PALS2: variants seen among roughly 807,000 people sequenced by gnomAD.
PALS2 encodes the protein protein PALS2.
PALS2 carries 27 observed loss-of-function variants against 61.6 expected under a neutral mutation model. The ratio of observed to expected loss-of-function variants is 0.44; its 90% CI spans 0.32 to 0.60. The LOEUF is 0.60. PALS2 is among the 20% of genes least tolerant of loss of function. PALS2 has a pLI of 0.05. For synonymous variants in PALS2, 236 were observed against 218.6 expected (o/e 1.08, Z -0.70); for missense variants, 554 against 639.4 (o/e 0.87, Z 1.44).
chr7:24,639,412 ACAC>A (rs1434020155), intron 2 of PALS2, among the ~76,000 whole-genome samples: 1 of 150,910 alleles, frequency 6.6e-6, no homozygotes, highest in African/African-American at 2.4e-5. Flanking sequence ...GAATACACAC[ACAC>A]ACACACACAC....
At chr7:24,671,237 A>G (rs1024515066) in intron 9 of PALS2, among the ~76,000 whole-genome samples, 9 of 152,170 alleles carry the variant, frequency 5.9e-5, no homozygotes, top group African/African-American at 2.2e-4. Flanking sequence ...GTAAAGTTGT[A>G]TCTCATTTTG....
chr7:24,684,100 G>A (rs1788074049), intron 11 of PALS2, among the ~76,000 whole-genome samples: 1 of 151,964 alleles, frequency 6.6e-6, no homozygotes, highest in South Asian at 2.1e-4. Flanking sequence ...AGTAGATACA[G>A]TCAGATCACT....
intron 1 of PALS2, among the ~76,000 whole-genome samples, chr7:24,594,010 C>CT (rs1783402322): frequency 1.3e-5 from 2 of 152,098 alleles, no homozygotes; most frequent in Admixed American, 6.6e-5. Context: ...CACTGAAAAT[C>CT]TATCTGTTGT....
At chr7:24,633,972 C>T (rs1166014443) in intron 2 of PALS2, among the ~76,000 whole-genome samples, 1 of 152,096 alleles carries the variant, frequency 6.6e-6, no homozygotes, top group Non-Finnish European at 1.5e-5. Context: ...TCCCTGGAGA[C>T]TAATGATATT....
At chr7:24,591,060 C>A in intron 1 of PALS2, among the ~76,000 whole-genome samples, 1 of 151,934 alleles carries the variant, frequency 6.6e-6, no homozygotes, top group East Asian at 1.9e-4. Context: ...AGTATTAGTG[C>A]TGTTTTATTC....
chr7:24,644,241 G>A (rs561715333), intron 3 of PALS2, among the ~76,000 whole-genome samples: 2 of 151,634 alleles, frequency 1.3e-5, no homozygotes, highest in East Asian at 3.9e-4. Context: ...TATCTTGTCT[G>A]TTTCTCTCCC....
chr7:24,598,353 C>T (rs958434619), intron 1 of PALS2, among the ~76,000 whole-genome samples: 1 of 152,064 alleles, frequency 6.6e-6, no homozygotes, highest in Non-Finnish European at 1.5e-5. Context: ...TCAAAACGTA[C>T]CCAGCTCAGT....
At chr7:24,633,390 C>T in intron 2 of PALS2, among the ~76,000 whole-genome samples, 1 of 110,346 alleles carries the variant, frequency 9.1e-6, no homozygotes, top group Admixed American at 1.1e-4. Flanking sequence ...TTAAAGATTT[C>T]ACTCTATTCT....
At chr7:24,641,277 A>G (rs1410893783) in intron 2 of PALS2, among the ~76,000 whole-genome samples, 1 of 152,066 alleles carries the variant, frequency 6.6e-6, no homozygotes, top group African/African-American at 2.4e-5. Flanking sequence ...TTATCATTTT[A>G]AAAAATATTA....
chr7:24,686,596 G>GT (rs1788217127), intron 11 of PALS2, among the ~76,000 whole-genome samples: 1 of 152,052 alleles, frequency 6.6e-6, no homozygotes, highest in Non-Finnish European at 1.5e-5. Context: ...CTTTGTGCCT[G>GT]TTTTGTTTCT....
At chr7:24,581,373 A>C (rs1284140963) in intron 1 of PALS2, among the ~76,000 whole-genome samples, 2 of 152,062 alleles carry the variant, frequency 1.3e-5, no homozygotes, top group African/African-American at 2.4e-5. Flanking sequence ...CCATCACAAG[A>C]TCTTTAATCA....
At chr7:24,680,866 A>C in intron 11 of PALS2, among the ~76,000 whole-genome samples, 1 of 152,266 alleles carries the variant, frequency 6.6e-6, no homozygotes, top group African/African-American at 2.4e-5. Flanking sequence ...AAAGTGCTAG[A>C]ACTACAGGCG....
At chr7:24,643,289 A>G (rs1457863911) in intron 3 of PALS2, among the ~76,000 whole-genome samples, 1 of 152,182 alleles carries the variant, frequency 6.6e-6, no homozygotes, top group Non-Finnish European at 1.5e-5. Context: ...ATAAATATAT[A>G]AGCACATACA....
chr7:24,664,932 T>C (rs1786937457), intron 6 of PALS2, among the ~76,000 whole-genome samples: 1 of 152,150 alleles, frequency 6.6e-6, no homozygotes, highest in Admixed American at 6.5e-5. Flanking sequence ...TTTCAGGATT[T>C]TAAGTGCTTA....
chr7:24,683,494 G>A (rs1017822937), intron 11 of PALS2, among the ~76,000 whole-genome samples: 1 of 151,880 alleles, frequency 6.6e-6, no homozygotes, highest in South Asian at 2.1e-4. Context: ...TTGACCAATA[G>A]GAGCTTATTC....
intron 5 of PALS2, among the ~76,000 whole-genome samples, chr7:24,656,948 T>C (rs1786452021): frequency 6.6e-6 from 1 of 152,246 alleles, no homozygotes; most frequent in Non-Finnish European, 1.5e-5. Context: ...TTTTGCATTT[T>C]CCTTATTTTT....
intron 1 of PALS2, among the ~76,000 whole-genome samples, chr7:24,600,043 T>C (rs1183825894): frequency 6.6e-6 from 1 of 152,112 alleles, no homozygotes; most frequent in East Asian, 1.9e-4. Context: ...CTGAGGATCT[T>C]CTTGCGGGGG....
intron 1 of PALS2, among the ~76,000 whole-genome samples, chr7:24,605,796 A>T (rs1247904748): frequency 6.6e-6 from 1 of 152,202 alleles, no homozygotes; most frequent in Non-Finnish European, 1.5e-5. Flanking sequence ...CAATAATTTA[A>T]CAAATGGATT....
At chr7:24,668,807 A>G (rs997704016) in intron 9 of PALS2, 147 bp downstream of exon 9, 7 of 978,120 alleles carry the variant, frequency 7.2e-6, no homozygotes, top group African/African-American at 3.3e-5. Flanking sequence ...AAGACATTGA[A>G]AAATTTAGTA....
Sources: gnomAD v4.1 joint callset for allele counts (sites outside exome capture counted in the v4.1 genomes callset) on GRCh38, gnomAD v4.1.1 for gene constraint, MANE v1.5 for transcripts, NCBI Gene and HGNC (gene_info 2026-07-23, HGNC 2026-07-21) for gene names.